Variants in DIO2 observed in about 807,000 individuals in gnomAD.
DIO2 encodes the protein type II iodothyronine deiodinase.
A neutral mutation model predicts 21.4 loss-of-function variants in DIO2; 19 were observed. The ratio of observed to expected loss-of-function variants is 0.89; its 90% CI spans 0.62 to 1.30. The LOEUF is 1.30. Ranked by LOEUF, DIO2 falls within the 50% of genes most tolerant of loss-of-function variation. The probability of loss-of-function intolerance (pLI) is 0.00; values close to 1 mark genes in which losing one functional copy is unlikely to be tolerated. For missense variants in DIO2, 302 were observed against 338.1 expected, an observed-to-expected ratio of 0.89 and a Z score of 0.84; for synonymous variants, 122 against 132.9, an observed-to-expected ratio of 0.92 and a Z score of 0.57.
At chr14:80,212,932 A>G (rs1888261860), upstream of DIO2, among the ~76,000 whole-genome samples, 1 of 152,186 alleles carries the variant, frequency 6.6e-6, no homozygotes. Flanking sequence ...ATAAAATTAA[A>G]ACTTTCCATT....
chr14:80,198,018 C>T lies in DIO2; in HGVS notation c.*4671G>A, dbSNP rs901711918. ...ACTTATTTCTTCACATCCCCCAATCCTAATACACATAAAAACCACGCTGAC... is the reference window on the plus strand; with the variant it reads ...ACTTATTTCTTCACATCCCCCAATCTTAATACACATAAAAACCACGCTGAC... On this transcript the variant is annotated 3_prime_UTR_variant, in exon 2 of 2. Transcript: ENST00000438257. 5 of 152,654 alleles carry T rather than the reference C, an allele frequency of 3.3e-5. No homozygotes were observed. Among genetic ancestry groups the T allele is most frequent in the African/African-American group, 4.8e-5 (2 of 41,446 alleles). 9.5% of individuals were successfully genotyped at this position (152,654 alleles called of 1,614,324 possible).
At chr14:80,212,135 T>G (rs1403411010), upstream of DIO2, 1 of 152,106 alleles carries the variant, frequency 6.6e-6, no homozygotes, top group Non-Finnish European at 1.5e-5. Flanking sequence ...TCTCTGTCTT[T>G]CCCTTCTTGC....
rs1054143733 is a variant in DIO2, at chr14:80,198,598, G to C, written c.*4091C>G. On this transcript the variant is annotated 3_prime_UTR_variant, in exon 2 of 2. Coordinates refer to ENST00000438257, the MANE Select transcript of DIO2 (RefSeq NM_013989.5). ...ATCCTAGATCCTCTCTTTTCTTAGA[G>C]AGCCTCAGGACATGACCAAGATTGT... The C allele has an allele frequency of 1.3e-5, 2 of 152,032 alleles. No individual in the cohort carries two copies. The highest frequency in any genetic ancestry group is 4.8e-5 in the African/African-American group (2 of 41,380). 9.4% of individuals were successfully genotyped at this position (152,032 alleles called of 1,614,324 possible). A position where few individuals can be genotyped will look rare whatever the true frequency, so the allele number is the denominator to read the frequency against.
At chr14:80,204,168 G>T (rs922725361) in intron 1 of DIO2, among the ~76,000 whole-genome samples, 7 of 151,536 alleles carry the variant, frequency 4.6e-5, no homozygotes, top group African/African-American at 1.7e-4. Flanking sequence ...CTGCTTACAA[G>T]GTGGTTCTTA....
intron 1 of DIO2, among the ~76,000 whole-genome samples, chr14:80,209,401 A>G (rs1474185021): frequency 6.6e-6 from 1 of 152,078 alleles, no homozygotes; most frequent in East Asian, 1.9e-4. Context: ...TCCAAAAAGT[A>G]AGAGTTTAAT....
intron 2 of DIO2, among the ~76,000 whole-genome samples, chr14:80,228,248 G>A (rs1888614746): frequency 6.6e-6 from 1 of 152,238 alleles, no homozygotes; most frequent in Non-Finnish European, 1.5e-5. Context: ...CTTGCCAGCT[G>A]AAAGCAAATT....
chr14:80,210,802 C>T (rs958777384), intron 1 of DIO2, among the ~76,000 whole-genome samples: 7 of 152,252 alleles, frequency 4.6e-5, no homozygotes, highest in African/African-American at 1.7e-4. Flanking sequence ...TTCTGAGTAG[C>T]ATTTCTCATT....
intron 1 of DIO2, among the ~76,000 whole-genome samples, chr14:80,209,325 T>C (rs1888072167): frequency 6.6e-6 from 1 of 152,030 alleles, no homozygotes; most frequent in Admixed American, 6.5e-5. Context: ...GAAATATATG[T>C]ATATAAGTAA....
Position 80,202,202 on chromosome 14 carries a change from C to A in DIO2, c.*487G>T. 2.2e-6 allele frequency: 1 copy of A among 448,848 alleles called. No homozygotes were observed. The highest frequency in any genetic ancestry group is 4.4e-6 in the Non-Finnish European group (1 of 228,010). 27.8% of individuals were successfully genotyped at this position (448,848 alleles called of 1,614,324 possible). ...CTAACATAAGGTCTAACCTTAACAC[C>A]AACGTCTAACCACATGGCCTGGGTT... On this transcript the variant is annotated 3_prime_UTR_variant, in exon 2 of 2. Coordinates refer to ENST00000438257, the MANE Select transcript of DIO2 (RefSeq NM_013989.5).
chr14:80,224,699 C>T (rs1212393784), intron 2 of DIO2, among the ~76,000 whole-genome samples: 1 of 152,154 alleles, frequency 6.6e-6, no homozygotes, highest in South Asian at 2.1e-4. Flanking sequence ...ACAGGAAACT[C>T]ATACAGGCTG....
At position 80,211,424 on chromosome 14, in the gene DIO2, C is replaced by T. The variant is rs767741367; in HGVS notation, c.49G>A (p.Val17Ile). 1 of 1,613,060 alleles carries T rather than the reference C, an allele frequency of 6.2e-7. No homozygotes were observed. The highest frequency in any genetic ancestry group is 1.1e-5 in the South Asian group (1 of 90,884). ...DLLITLQILP[V>I]FFSNCLFLAL... ...AGGAAGAGGCAGTTGGAGAAAAAAA[C>T]TGGCAGAATTTGCAGTGTGATCAGC... Residue 17 changes from valine (V) to isoleucine (I), a missense_variant, in exon 1 of 2, where the codon GTT becomes ATT. Physicochemically the swap from Val to Ile is conservative, Grantham distance 29. Coordinates refer to ENST00000438257, the MANE Select transcript of DIO2 (RefSeq NM_013989.5).
chr14:80,203,295 G>GGA lies in DIO2; in HGVS notation c.223-8_223-7insTC. The stretch of plus-strand genomic sequence containing the variant: ...CATCCTCACCCAATTTCACCTGACG[G>GGA]TAAAAAAAAAAAAAAAGAAGAAGAA... On this transcript the variant is annotated splice_polypyrimidine_tract_variant and splice_region_variant and intron_variant, in intron 1 of 1. Coordinates refer to ENST00000438257, the MANE Select transcript of DIO2 (RefSeq NM_013989.5). 1 of 1,397,846 alleles carries GGA rather than the reference G, an allele frequency of 7.2e-7. No homozygotes were observed. The highest frequency in any genetic ancestry group is 9.2e-7 in the Non-Finnish European group (1 of 1,084,650). The allele number at this position is 1,397,846 out of a possible 1,614,324, so 86.6% of individuals were successfully genotyped here.
At chr14:80,211,186 G>A in intron 1 of DIO2, 65 bp downstream of exon 1, 1 of 1,489,996 alleles carries the variant, frequency 6.7e-7, no homozygotes, top group African/African-American at 1.4e-5. Flanking sequence ...AATGGCCTCT[G>A]GTCCCCAGCA....
chr14:80,222,860 C>CT (rs200049777), intron 2 of DIO2, among the ~76,000 whole-genome samples: 3,083 of 138,758 alleles, frequency 0.022, 68 homozygotes, highest in African/African-American at 0.054. Context: ...TTCTTTGTTT[C>CT]TTTTTTTTTT....
rs1300432251 is a variant in DIO2, at chr14:80,202,521, T to A, written c.*168A>T. On this transcript the variant is annotated 3_prime_UTR_variant, in exon 2 of 2. Coordinates refer to ENST00000438257, the MANE Select transcript of DIO2 (RefSeq NM_013989.5). ...GGTTACTTACTCAGCCCAATGCCAT[T>A]TGAGTAGTGAAAGAAGTATGGAGCT... is the stretch of plus-strand genomic sequence containing the variant. The A allele has an allele frequency of 2.6e-6, 2 of 755,528 alleles. No homozygotes were observed. The highest frequency in any genetic ancestry group is 5.0e-5 in the Admixed American group (2 of 40,278). 46.8% of individuals were successfully genotyped at this position (755,528 alleles called of 1,614,324 possible). A position where few individuals can be genotyped will look rare whatever the true frequency, so the allele number is the denominator to read the frequency against.
rs1314595842 is a variant in DIO2 at position 80,202,250 on chromosome 14, G to A, written c.*439C>T. The A allele has an allele frequency of 2.0e-5, 10 of 512,290 alleles. No individual in the cohort carries two copies. The highest frequency in any genetic ancestry group is 6.4e-4 in the Middle Eastern group (2 of 3,104). The allele number at this position is 512,290 out of a possible 1,614,324, so 31.7% of individuals were successfully genotyped here. On this transcript the variant is annotated 3_prime_UTR_variant, in exon 2 of 2. Transcript: ENST00000438257. ...GTTCAAGGACTTGTTGTAATATTTG[G>A]GAATTTTCCAACTGGGCTCCATCCA...
intron 2 of DIO2, among the ~76,000 whole-genome samples, chr14:80,226,548 C>A (rs961805507): frequency 3.3e-5 from 5 of 152,220 alleles, no homozygotes; most frequent in African/African-American, 1.2e-4. Flanking sequence ...ATACCTGCCA[C>A]CAGGTAGCTG....
In DIO2 at chr14:80,198,526, G is replaced by A. The variant is rs1056811; in HGVS notation, c.*4163C>T. ...AAATCTTCCCAGATTGGTAGACCAA[G>A]CCCTCAGGGCCTTGTTCTTCCCAGT... On this transcript the variant is annotated 3_prime_UTR_variant, in exon 2 of 2. Transcript: ENST00000438257. 1 of 152,412 alleles carries A rather than the reference G, an allele frequency of 6.6e-6. No individual in the cohort carries two copies. The highest frequency in any genetic ancestry group is 1.9e-4 in the East Asian group (1 of 5,186). 9.4% of individuals were successfully genotyped at this position (152,412 alleles called of 1,614,324 possible).
At chr14:80,206,369 T>C (rs2140001678) in intron 1 of DIO2, 1 of 1,236,160 alleles carries the variant, frequency 8.1e-7, no homozygotes, top group Middle Eastern at 2.7e-4. Flanking sequence ...TTTTTTTAGA[T>C]ATGGAAGTTT....
Sources: allele counts gnomAD v4.1 joint callset (sites outside exome capture counted in the v4.1 genomes callset), GRCh38; gene constraint gnomAD v4.1.1; transcripts MANE v1.5; gene names NCBI Gene and HGNC (gene_info 2026-07-23, HGNC 2026-07-21).